Variants in KDM4C observed in about 807,000 individuals in gnomAD.
The protein encoded by KDM4C is lysine demethylase 4C.
In KDM4C, 81 loss-of-function variants were observed where a neutral mutation model predicts 129.3. That is an observed-to-expected ratio of 0.63 (90% CI 0.52 to 0.75). KDM4C has a LOEUF of 0.75. Among genes scored for constraint, KDM4C ranks in the 30% least tolerant of loss-of-function variants. KDM4C has a pLI of 0.00. For synonymous variants in KDM4C, 573 were observed against 456.1 expected (o/e 1.26, Z -3.26); for missense variants, 1,457 against 1,304.0 (o/e 1.12, Z -1.81).
chr9:6,730,342 G>T (rs956556775), intron 1 of KDM4C, among the ~76,000 whole-genome samples: 1 of 152,138 alleles, frequency 6.6e-6, no homozygotes, highest in Non-Finnish European at 1.5e-5. Flanking sequence ...GCGGCTGGGC[G>T]TGGTGGCTCA....
chr9:6,933,648 A>G lies in KDM4C; in HGVS notation c.921+40416A>G, dbSNP rs952735858. ...TAAAGTTTAACTTGTTGGTAATTTG[A>G]TAAGTATTTACTTATGTATAGTTCT... On this transcript the variant is annotated intron_variant, in intron 8 of 21. Coordinates refer to ENST00000381309, the MANE Select transcript of KDM4C (RefSeq NM_015061.6). Among the ~76,000 whole-genome samples, 4 of 152,224 alleles carry G rather than the reference A, an allele frequency of 2.6e-5. No individual in the cohort carries two copies. The East Asian group carries it at 5.8e-4, about 22-fold the overall frequency.
intron 15 of KDM4C, among the ~76,000 whole-genome samples, chr9:7,036,410 T>C (rs1374693297): frequency 2.0e-5 from 3 of 152,186 alleles, no homozygotes; most frequent in South Asian, 2.1e-4. Context: ...GTAAGCTCCA[T>C]GTAGAGTACT....
At chr9:6,938,293 A>T (rs1045250751) in intron 8 of KDM4C, among the ~76,000 whole-genome samples, 3 of 152,178 alleles carry the variant, frequency 2.0e-5, no homozygotes, top group African/African-American at 7.2e-5. Flanking sequence ...GTGTACACTT[A>T]TTCCCATGGT....
chr9:7,160,471 T>C (rs1439925006), intron 19 of KDM4C, among the ~76,000 whole-genome samples: 1 of 152,264 alleles, frequency 6.6e-6, no homozygotes, highest in Non-Finnish European at 1.5e-5. Context: ...TGGTTTTATC[T>C]ACCTTTGGTC....
chr9:7,085,907 G>A (rs1835059127), intron 17 of KDM4C, among the ~76,000 whole-genome samples: 1 of 151,982 alleles, frequency 6.6e-6, no homozygotes, highest in East Asian at 1.9e-4. Context: ...TGTAATCCCA[G>A]CACTTTGGGA....
chr9:7,111,693 T>A (rs1486037428), intron 18 of KDM4C, among the ~76,000 whole-genome samples: 1 of 152,122 alleles, frequency 6.6e-6, no homozygotes, highest in African/African-American at 2.4e-5. Flanking sequence ...CTCTAAGACA[T>A]GTCAGGTTTA....
chr9:7,159,257 C>T (rs1843520488), intron 19 of KDM4C, among the ~76,000 whole-genome samples: 1 of 152,206 alleles, frequency 6.6e-6, no homozygotes, highest in African/African-American at 2.4e-5. Flanking sequence ...CCGAATACAG[C>T]ACACTGATGG....
In KDM4C at chr9:6,729,864, C is replaced by T. The variant is rs1817261523; in HGVS notation, c.49+8867C>T. ...GTGGCTTATGCCTATAATCCCAGCA[C>T]TTTGGGAGGGAGAGGCGGGCGGATC... On this transcript the variant is annotated intron_variant, in intron 1 of 17. Coordinates refer to the KDM4C transcript ENST00000536108. Among the ~76,000 whole-genome samples the T allele has an allele frequency of 1.5e-5, 2 of 134,380 alleles. 1 individual carries two copies. Among genetic ancestry groups the T allele is most frequent in the South Asian group, 5.2e-4 (2 of 3,828 alleles). The allele number at this position is 134,380 out of a possible 152,430, so 88.2% of individuals were successfully genotyped here.
intron 12 of KDM4C, among the ~76,000 whole-genome samples, chr9:6,993,105 G>A (rs972711845): frequency 6.6e-6 from 1 of 152,080 alleles, no homozygotes; most frequent in Non-Finnish European, 1.5e-5. Flanking sequence ...GAAGGACTTC[G>A]TGACTCCTAG....
In KDM4C at chr9:6,774,863, C is replaced by T. The variant is rs78771462; in HGVS notation, c.-18+16660C>T. 5.3e-5 allele frequency among the ~76,000 whole-genome samples: 8 copies of T among 152,184 alleles called. No individual in the cohort carries two copies. The East Asian group carries it at 1.3e-3, about 26-fold the overall frequency. Reference sequence around the variant, plus strand: ...ATCTTCTCTCCTTGGCAACCATGTCCTGATTTTTGTGTTCCATATGCCCTT... The same window carrying T: ...ATCTTCTCTCCTTGGCAACCATGTCTTGATTTTTGTGTTCCATATGCCCTT... On this transcript the variant is annotated intron_variant, in intron 1 of 21. Transcript: ENST00000381309.
At chr9:7,123,880 G>A (rs947407002) in intron 18 of KDM4C, among the ~76,000 whole-genome samples, 1 of 152,294 alleles carries the variant, frequency 6.6e-6, no homozygotes, top group Non-Finnish European at 1.5e-5. Context: ...TTTGGGGCTG[G>A]ACTGATCCTT....
chr9:6,985,985 C>T (rs559607789), intron 10 of KDM4C, among the ~76,000 whole-genome samples: 1 of 152,198 alleles, frequency 6.6e-6, no homozygotes, highest in Non-Finnish European at 1.5e-5. Flanking sequence ...GCCACCGTGC[C>T]CGGCTCCTCA....
chr9:7,028,254 G>T (rs1177993085), intron 15 of KDM4C, among the ~76,000 whole-genome samples: 6 of 151,990 alleles, frequency 3.9e-5, no homozygotes, highest in Non-Finnish European at 8.8e-5. Context: ...GGTACCATCT[G>T]GGTATCACTG....
At chr9:7,050,382 G>C (rs954275548) in intron 17 of KDM4C, among the ~76,000 whole-genome samples, 2 of 134,508 alleles carry the variant, frequency 1.5e-5, no homozygotes, top group African/African-American at 5.5e-5. Flanking sequence ...TAAGAAGAGA[G>C]TATAATTCTT....
At chr9:6,761,419 C>G (rs1280293755) in intron 1 of KDM4C, among the ~76,000 whole-genome samples, 2 of 152,018 alleles carry the variant, frequency 1.3e-5, no homozygotes, top group Non-Finnish European at 2.9e-5. Context: ...ACTGTAACCT[C>G]TCTGTCTGCT....
chr9:6,873,503 T>G (rs1220170075), intron 5 of KDM4C, among the ~76,000 whole-genome samples: 1 of 152,236 alleles, frequency 6.6e-6, no homozygotes, highest in African/African-American at 2.4e-5. Flanking sequence ...CTGTTTCACC[T>G]TGTACTTCTC....
chr9:6,785,068 G>A (rs904649545), intron 1 of KDM4C, among the ~76,000 whole-genome samples: 2 of 152,118 alleles, frequency 1.3e-5, no homozygotes, highest in Non-Finnish European at 2.9e-5. Context: ...GTTACCTAGG[G>A]CTAATGTAAC....
chr9:6,937,098 T>G (rs563680911), intron 8 of KDM4C, among the ~76,000 whole-genome samples: 3 of 152,292 alleles, frequency 2.0e-5, no homozygotes, highest in African/African-American at 7.2e-5. Flanking sequence ...GTTATTGTAG[T>G]CAATCAGAAA....
At chr9:6,906,340 C>T (rs917408881) in intron 8 of KDM4C, among the ~76,000 whole-genome samples, 1 of 152,188 alleles carries the variant, frequency 6.6e-6, no homozygotes, top group African/African-American at 2.4e-5. Flanking sequence ...GGGTAAACCT[C>T]TCCAGGCAAC....
Sources: gnomAD v4.1 joint callset for allele counts (sites outside exome capture counted in the v4.1 genomes callset) on GRCh38, gnomAD v4.1.1 for gene constraint, MANE v1.5 for transcripts, NCBI Gene and HGNC (gene_info 2026-07-23, HGNC 2026-07-21) for gene names.